The following DNM2 variants were observed in gnomAD, a reference collection of about 807,000 sequenced individuals.
DNM2 encodes dynamin-2.
In DNM2, 15 loss-of-function variants were observed where a neutral mutation model predicts 99.0. That is an observed-to-expected ratio of 0.15 (90% CI 0.10 to 0.23). DNM2 has a LOEUF of 0.23. Ranked by LOEUF, DNM2 falls within the 10% of genes least tolerant of loss-of-function variation. The pLI, the probability that DNM2 is intolerant of heterozygous loss-of-function variation, is 1.00. For synonymous variants in DNM2, 525 were observed against 481.2 expected (o/e 1.09, Z -1.19); for missense variants, 742 against 1,189.4 (o/e 0.62, Z 5.53).
chr19:10,790,034 G>C (rs2071697361), intron 7 of DNM2, among the ~76,000 whole-genome samples: 1 of 152,168 alleles, frequency 6.6e-6, no homozygotes, highest in Admixed American at 6.5e-5. Flanking sequence ...ACTGTTATCT[G>C]TGTCTCCTGT....
Position 10,795,265 on chromosome 19 carries a change from G to T in DNM2, c.1129-107G>T. Reference sequence around the variant, plus strand: ...AAAATTTTGACGAGTTAAATATTCTGCCTTGTGAATATAGCCACACGTGGG... The same window carrying T: ...AAAATTTTGACGAGTTAAATATTCTTCCTTGTGAATATAGCCACACGTGGG... On this transcript the variant is annotated intron_variant, in intron 8 of 20. Transcript: ENST00000389253. The surrounding 1 kb of genome is among the most constrained non-coding windows in gnomAD (Gnocchi z 4.2). The T allele has an allele frequency of 9.7e-7, 1 of 1,031,522 alleles. No homozygotes were observed. The highest frequency in any genetic ancestry group is 1.5e-6 in the Non-Finnish European group (1 of 655,778). 63.9% of individuals were successfully genotyped at this position (1,031,522 alleles called of 1,614,324 possible).
chr19:10,749,830 G>T lies in DNM2; in HGVS notation c.162-9908G>T, dbSNP rs1379068907. 2.0e-5 allele frequency among the ~76,000 whole-genome samples: 3 copies of T among 152,240 alleles called. No individual in the cohort carries two copies. The East Asian group carries it at 5.8e-4, about 29-fold the overall frequency. On this transcript the variant is annotated intron_variant, in intron 1 of 20. Coordinates refer to ENST00000389253, the MANE Select transcript of DNM2 (RefSeq NM_001005361.3). Reference sequence around the variant, plus strand: ...AGGCCGTTTTGCTGGGAGTGGGAAGGGGTGTGTATTTGGGAGGGAGGGGCG... The same window carrying T: ...AGGCCGTTTTGCTGGGAGTGGGAAGTGGTGTGTATTTGGGAGGGAGGGGCG...
At chr19:10,808,763 G>A (rs1338160698) in intron 14 of DNM2, 183 bp downstream of exon 14, 9 of 607,886 alleles carry the variant, frequency 1.5e-5, no homozygotes, top group East Asian at 9.2e-5. Context: ...GGTATAAGTC[G>A]ACTCACACAG....
rs776804450 is a variant in DNM2, at chr19:10,796,055, T to C, written c.1196+616T>C. On this transcript the variant is annotated intron_variant, in intron 9 of 20. Transcript: ENST00000389253. The surrounding 1 kb of genome is among the most constrained non-coding windows in gnomAD (Gnocchi z 5.6). ...CTCCCCTGCCCCCGGGTCTGGACGGTTTCAGGACCGGGCTTTTCACCCCGG... is the reference window on the plus strand; with the variant it reads ...CTCCCCTGCCCCCGGGTCTGGACGGCTTCAGGACCGGGCTTTTCACCCCGG... The C allele has an allele frequency of 1.2e-6, 2 of 1,613,262 alleles. No individual in the cohort carries two copies. Among genetic ancestry groups the C allele is most frequent in the Admixed American group, 3.3e-5 (2 of 60,022 alleles).
At position 10,819,000 on chromosome 19, in the gene DNM2, G is replaced by A. The variant is rs2072876456; in HGVS notation, c.1672-980G>A. Reference sequence around the variant, plus strand: ...CACTGGGTGAGTGTGGGACTCCAGGGTGCCACCCCCAGCTCCGTGACTCGC... The same window carrying A: ...CACTGGGTGAGTGTGGGACTCCAGGATGCCACCCCCAGCTCCGTGACTCGC... On this transcript the variant is annotated intron_variant, in intron 15 of 20. Coordinates refer to ENST00000389253, the MANE Select transcript of DNM2 (RefSeq NM_001005361.3). The surrounding 1 kb of genome is among the most constrained non-coding windows in gnomAD (Gnocchi z 4.3). Among the ~76,000 whole-genome samples, 1 of 152,118 alleles carries A rather than the reference G, an allele frequency of 6.6e-6. No homozygotes were observed. The highest frequency in any genetic ancestry group is 1.5e-5 in the Non-Finnish European group (1 of 68,016).
At chr19:10,792,207 G>T (rs551392864) in intron 7 of DNM2, among the ~76,000 whole-genome samples, 1 of 152,374 alleles carries the variant, frequency 6.6e-6, no homozygotes, top group African/African-American at 2.4e-5. Context: ...TGAGGAAAGA[G>T]ATTTTGGGGA....
Position 10,718,114 on chromosome 19 carries a change from C to T in DNM2, c.-129C>T, listed in dbSNP as rs2068814390. On this transcript the variant is annotated 5_prime_UTR_variant, in exon 1 of 21. Transcript: ENST00000389253. ...TGAGGCGGCGACCGTGAGGCCGAGC[C>T]GGGAGCGGGCGTCTTGCCGAGGCCC... The T allele has an allele frequency of 3.7e-6, 4 of 1,095,310 alleles. No homozygotes were observed. Among genetic ancestry groups the T allele is most frequent in the South Asian group, 6.6e-5 (2 of 30,230 alleles). The allele number at this position is 1,095,310 out of a possible 1,614,324, so 67.8% of individuals were successfully genotyped here.
intron 1 of DNM2, among the ~76,000 whole-genome samples, chr19:10,722,085 C>T (rs779813226): frequency 2.0e-5 from 3 of 152,112 alleles, no homozygotes; most frequent in Non-Finnish European, 2.9e-5. Flanking sequence ...TTGGGTGATG[C>T]GTGCCGAGTG....
At chr19:10,762,535 C>T (rs944940340) in intron 2 of DNM2, among the ~76,000 whole-genome samples, 9 of 152,068 alleles carry the variant, frequency 5.9e-5, no homozygotes, top group Non-Finnish European at 1.2e-4. Context: ...TTAAAGCACA[C>T]GTTATTTACT....
At position 10,818,206 on chromosome 19, in the gene DNM2, G is replaced by A. The variant is rs982385385; in HGVS notation, c.1672-1774G>A. ...CGGCATCCCTCCCTCCATGGCCACC[G>A]GGCCCCTCTCCTATGCTCTGCTCCC... On this transcript the variant is annotated intron_variant, in intron 15 of 20. Coordinates refer to ENST00000389253, the MANE Select transcript of DNM2 (RefSeq NM_001005361.3). This position sits in a 1 kb window ranked among gnomAD's most constrained non-coding sequence, Gnocchi z 4.3. Among the ~76,000 whole-genome samples, 7 of 112,024 alleles carry A rather than the reference G, an allele frequency of 6.2e-5. No homozygotes were observed. The highest frequency in any genetic ancestry group is 3.1e-4 in the South Asian group (1 of 3,256). The allele number at this position is 112,024 out of a possible 152,430, so 73.5% of individuals were successfully genotyped here.
intron 2 of DNM2, among the ~76,000 whole-genome samples, chr19:10,760,902 C>T (rs946589526): frequency 1.4e-5 from 2 of 148,106 alleles, no homozygotes; most frequent in African/African-American, 5.0e-5. Flanking sequence ...CTCAAGCAAT[C>T]CTCCTGCGTC....
rs1025919613 is a variant in DNM2 at position 10,765,023 on chromosome 19, T to C, written c.235+5212T>C. ...CCCAGGCTGGAGTGCAGTGGCGCCA[T>C]CTCAGCTCACTGCAAGCTCCGCCTC... is the stretch of plus-strand genomic sequence containing the variant. On this transcript the variant is annotated intron_variant, in intron 2 of 20. Coordinates refer to ENST00000389253, the MANE Select transcript of DNM2 (RefSeq NM_001005361.3). This position sits in a 1 kb window ranked among gnomAD's most constrained non-coding sequence, Gnocchi z 4.4. 8.6e-5 allele frequency among the ~76,000 whole-genome samples: 13 copies of C among 150,954 alleles called. No homozygotes were observed. The highest frequency in any genetic ancestry group is 1.9e-4 in the Non-Finnish European group (13 of 67,714).
rs1158472247 is a variant in DNM2, at chr19:10,820,886, C to T, written c.1781+797C>T. Among the ~76,000 whole-genome samples, 1 of 152,224 alleles carries T rather than the reference C, an allele frequency of 6.6e-6. No homozygotes were observed. The highest frequency in any genetic ancestry group is 2.4e-5 in the African/African-American group (1 of 41,468). On this transcript the variant is annotated intron_variant, in intron 16 of 20. Transcript: ENST00000389253. The surrounding 1 kb of genome is among the most constrained non-coding windows in gnomAD (Gnocchi z 4.3). ...CAGGAAGCTCACAGTACATCTGTCC[C>T]ATGAGGCGTAGCTGGAGACTTTAGC...
At chr19:10,729,552 C>G (rs563608359) in intron 1 of DNM2, among the ~76,000 whole-genome samples, 2 of 152,212 alleles carry the variant, frequency 1.3e-5, no homozygotes, top group African/African-American at 4.8e-5. Flanking sequence ...AGAGGCCTCG[C>G]ACACACCCGG....
At chr19:10,821,720 G>A (rs1276293386) in intron 16 of DNM2, among the ~76,000 whole-genome samples, 7 of 152,168 alleles carry the variant, frequency 4.6e-5, no homozygotes, top group East Asian at 1.9e-4. Flanking sequence ...TAGTAGAGAC[G>A]GGGTTTCTCC....
chr19:10,789,935 T>TC (rs1398964624), intron 7 of DNM2, among the ~76,000 whole-genome samples: 1 of 152,224 alleles, frequency 6.6e-6, no homozygotes, highest in Non-Finnish European at 1.5e-5. Context: ...ACAGTCCCTG[T>TC]CCCCCGGGGC....
chr19:10,772,393 C>G lies in DNM2; in HGVS notation c.236-86C>G, dbSNP rs2071012183. 5.1e-6 allele frequency: 8 copies of G among 1,575,864 alleles called. No homozygotes were observed. The South Asian group carries it at 7.8e-5, about 15-fold the overall frequency. On this transcript the variant is annotated intron_variant, in intron 2 of 20. Transcript: ENST00000389253. The surrounding 1 kb of genome is among the most constrained non-coding windows in gnomAD (Gnocchi z 4.9). Reference sequence around the variant, plus strand: ...TGTGCCCAGCCTGGGTCATTACTTTCATTCAACAAAGCATTTCTCCCCGCA... The same window carrying G: ...TGTGCCCAGCCTGGGTCATTACTTTGATTCAACAAAGCATTTCTCCCCGCA...
At position 10,831,792 on chromosome 19, in the gene DNM2, G is replaced by A; in HGVS notation, c.*745G>A. 1 of 987,238 alleles carries A rather than the reference G, an allele frequency of 1.0e-6. No homozygotes were observed. The highest frequency in any genetic ancestry group is 1.2e-6 in the Non-Finnish European group (1 of 830,986). The allele number at this position is 987,238 out of a possible 1,614,324, so 61.2% of individuals were successfully genotyped here. ...TGCCTCCCTGATGGGTGGGCCCAGG[G>A]CGGCCTCTCTCTGAGGAGACCTCAC... On this transcript the variant is annotated 3_prime_UTR_variant, in exon 21 of 21. Coordinates refer to ENST00000389253, the MANE Select transcript of DNM2 (RefSeq NM_001005361.3). This position sits in a 1 kb window ranked among gnomAD's most constrained non-coding sequence, Gnocchi z 4.3.
At chr19:10,798,459 A>G (rs538490068) in intron 10 of DNM2, 27 bp from the exon 11 acceptor site, 9 of 1,613,008 alleles carry the variant, frequency 5.6e-6, no homozygotes, top group South Asian at 4.4e-5. Flanking sequence ...GACCCCGCCA[A>G]TGCGACCACT....
Sources: allele counts gnomAD v4.1 joint callset (sites outside exome capture counted in the v4.1 genomes callset), GRCh38; gene constraint gnomAD v4.1.1; non-coding constraint Gnocchi (gnomAD v3.1); transcripts MANE v1.5; gene names NCBI Gene and HGNC (gene_info 2026-07-23, HGNC 2026-07-21).